Variants in PARP8 observed in about 807,000 individuals in gnomAD.
The protein encoded by PARP8 is protein mono-ADP-ribosyltransferase PARP8.
Under a neutral mutation model 124.1 loss-of-function variants are expected in PARP8, and 51 were observed. That is an observed-to-expected ratio of 0.41 (90% CI 0.33 to 0.52). PARP8 has a LOEUF of 0.52. PARP8 is among the 20% of genes least tolerant of loss of function. The pLI is 0.21. For synonymous variants in PARP8, 391 were observed against 361.5 expected (o/e 1.08, Z -0.93); for missense variants, 860 against 1,018.9 (o/e 0.84, Z 2.12).
intron 2 of PARP8, among the ~76,000 whole-genome samples, chr5:50,727,544 T>TTAA (rs1471086296): frequency 6.6e-6 from 1 of 152,158 alleles, no homozygotes; most frequent in Non-Finnish European, 1.5e-5. Context: ...TGTAGGCTTG[T>TTAA]TTTTAGTTAA....
chr5:50,795,189 C>T lies in PARP8; in HGVS notation c.1200C>T (p.Asn400=), dbSNP rs374146897. 2 of 1,614,190 alleles carry T rather than the reference C, an allele frequency of 1.2e-6. No individual in the cohort carries two copies. The highest frequency in any genetic ancestry group is 1.3e-5 in the African/African-American group (1 of 75,050). Residue 400 remains asparagine (N), a synonymous_variant, in exon 12 of 26, where the codon AAC becomes AAT. Transcript: ENST00000281631. The part of the protein sequence containing the change: ...SGDPRCEHNT[N]LKPHKLLSRS... ...ATCCACGATGTGAGCACAACACAAA[C>T]TTGAAGCCCCATAAACTGTTAAGCA...
chr5:50,715,855 C>CT (rs869261557), intron 2 of PARP8, among the ~76,000 whole-genome samples: 1 of 152,064 alleles, frequency 6.6e-6, no homozygotes. Context: ...ATAATATAAC[C>CT]TTTTTTAAAA....
intron 2 of PARP8, among the ~76,000 whole-genome samples, chr5:50,721,967 T>A (rs1755935773): frequency 1.3e-5 from 2 of 152,146 alleles, no homozygotes; most frequent in Non-Finnish European, 2.9e-5. Flanking sequence ...CCTAAAAATG[T>A]CGTAGCTTTG....
At position 50,835,086 on chromosome 5, in the gene PARP8, G is replaced by A. The variant is rs971494096; in HGVS notation, c.2462+71G>A. ...ATGGGTTAGTGGTGACTGAATTATC[G>A]TTTGGTCTCTTTAGCTGCCAAAATA... On this transcript the variant is annotated intron_variant, in intron 25 of 25. Transcript: ENST00000281631. 5.1e-5 allele frequency: 68 copies of A among 1,339,630 alleles called. No individual in the cohort carries two copies. In the East Asian group the frequency reaches 1.2e-3, roughly 23 times the overall value. 83.0% of individuals were successfully genotyped at this position (1,339,630 alleles called of 1,614,324 possible).
chr5:50,801,879 T>C (rs997738961), intron 14 of PARP8, among the ~76,000 whole-genome samples: 1 of 152,236 alleles, frequency 6.6e-6, no homozygotes, highest in Non-Finnish European at 1.5e-5. Flanking sequence ...TTGTCTGTAA[T>C]AGCAATTTTT....
chr5:50,700,161 G>A (rs1448894420), intron 2 of PARP8, among the ~76,000 whole-genome samples: 1 of 152,096 alleles, frequency 6.6e-6, no homozygotes, highest in African/African-American at 2.4e-5. Context: ...TTATACCAAG[G>A]CCCAGAAGTG....
At chr5:50,737,393 A>G (rs1375651263) in intron 2 of PARP8, among the ~76,000 whole-genome samples, 1 of 151,908 alleles carries the variant, frequency 6.6e-6, no homozygotes, top group East Asian at 1.9e-4. Flanking sequence ...GAAAATAACT[A>G]TATTTGCCAT....
chr5:50,791,707 T>G (rs528798888), intron 10 of PARP8, among the ~76,000 whole-genome samples: 2 of 152,080 alleles, frequency 1.3e-5, no homozygotes, highest in East Asian at 3.9e-4. Context: ...GACTTTATGT[T>G]GAGTCTGCAC....
In PARP8 at chr5:50,821,162, G is replaced by A. The variant is rs1465598535; in HGVS notation, c.1669-51G>A. On this transcript the variant is annotated intron_variant, in intron 15 of 25. Transcript: ENST00000281631. The stretch of plus-strand genomic sequence containing the variant: ...CTTGAGAGGGAGAAACAATGGCAAA[G>A]CACTGGATAAAACCTGAAGGGTAGT... 6 of 1,605,444 alleles carry A rather than the reference G, an allele frequency of 3.7e-6. No homozygotes were observed. The African/African-American group carries it at 6.7e-5, about 18-fold the overall frequency.
intron 10 of PARP8, among the ~76,000 whole-genome samples, chr5:50,790,456 G>A (rs1741818695): frequency 6.6e-6 from 1 of 152,066 alleles, no homozygotes; most frequent in Admixed American, 6.6e-5. Flanking sequence ...ATTTCACCTT[G>A]ACACATTTTT....
rs752202540 is a variant in PARP8, at chr5:50,815,557, T to C, written c.1668+33T>C. On this transcript the variant is annotated intron_variant, in intron 15 of 25. Coordinates refer to ENST00000281631, the MANE Select transcript of PARP8 (RefSeq NM_024615.4). ...CACAGGATACTAATTATTTCTTATT[T>C]TGCTTTGAAAAATTTGTTCCAGTCC... is the stretch of plus-strand genomic sequence containing the variant. The C allele has an allele frequency of 1.8e-5, 27 of 1,514,308 alleles. 1 individual carries two copies. Among genetic ancestry groups the C allele is most frequent in the Admixed American group, 8.8e-5 (4 of 45,594 alleles). 93.8% of individuals were successfully genotyped at this position (1,514,308 alleles called of 1,614,324 possible). A position where few individuals can be genotyped will look rare whatever the true frequency, so the allele number is the denominator to read the frequency against.
intron 15 of PARP8, among the ~76,000 whole-genome samples, chr5:50,818,552 T>G (rs1476153906): frequency 2.0e-5 from 3 of 151,984 alleles, no homozygotes; most frequent in African/African-American, 7.2e-5. Flanking sequence ...TTATTTTTAT[T>G]TGTTTTTTTG....
At chr5:50,794,179 G>T in intron 10 of PARP8, 28 bp from the exon 11 acceptor site, 1 of 1,597,004 alleles carries the variant, frequency 6.3e-7, no homozygotes, top group South Asian at 1.1e-5. Context: ...TTGGAATGGT[G>T]ATAACAGAAT....
At chr5:50,839,221 T>A (rs1226100893) in intron 25 of PARP8, among the ~76,000 whole-genome samples, 1 of 152,090 alleles carries the variant, frequency 6.6e-6, no homozygotes, top group Admixed American at 6.6e-5. Flanking sequence ...ATTTTAGTAA[T>A]CTTTTTACAC....
chr5:50,693,781 A>G (rs1483919069), intron 2 of PARP8, among the ~76,000 whole-genome samples: 1 of 151,514 alleles, frequency 6.6e-6, no homozygotes, highest in Non-Finnish European at 1.5e-5. Flanking sequence ...GATTAATTAT[A>G]TGATTGAGTT....
At position 50,828,669 on chromosome 5, in the gene PARP8, C is replaced by T. The variant is rs142702504; in HGVS notation, c.2163+285C>T. ...CTGAGGCGGGCAGATCGCTTGAGGC[C>T]AGGAGTTTGAGACCAGCCTGGCCAA... is the stretch of plus-strand genomic sequence containing the variant. On this transcript the variant is annotated intron_variant, in intron 21 of 25. Transcript: ENST00000281631. Among the ~76,000 whole-genome samples, 523 of 152,034 alleles carry T rather than the reference C, an allele frequency of 3.4e-3. 5 individuals are homozygous for T. Among genetic ancestry groups the T allele is most frequent in the African/African-American group, 0.012 (490 of 41,482 alleles).
chr5:50,773,472 A>T (rs565662742), intron 7 of PARP8, among the ~76,000 whole-genome samples: 4 of 152,264 alleles, frequency 2.6e-5, no homozygotes, highest in African/African-American at 9.6e-5. Context: ...GTTGAAAATC[A>T]GTTGGTTGTA....
At chr5:50,739,625 TTCTC>T (rs1757819400) in intron 2 of PARP8, among the ~76,000 whole-genome samples, 2 of 151,216 alleles carry the variant, frequency 1.3e-5, no homozygotes, top group African/African-American at 4.9e-5. Flanking sequence ...TCTGTGCTCT[TTCTC>T]CTGGTTATAA....
intron 7 of PARP8, among the ~76,000 whole-genome samples, chr5:50,773,485 T>C (rs1237012330): frequency 6.6e-6 from 1 of 152,208 alleles, no homozygotes; most frequent in Non-Finnish European, 1.5e-5. Flanking sequence ...TGGTTGTAAG[T>C]GTATGGATGT....
Sources: allele counts gnomAD v4.1 joint callset (sites outside exome capture counted in the v4.1 genomes callset), GRCh38; gene constraint gnomAD v4.1.1; transcripts MANE v1.5; gene names NCBI Gene and HGNC (gene_info 2026-07-23, HGNC 2026-07-21).